The following PRKX variants were observed in gnomAD, a reference collection of about 807,000 sequenced individuals.
The protein encoded by PRKX is cAMP-dependent protein kinase catalytic subunit PRKX.
Under a neutral mutation model 22.0 loss-of-function variants are expected in PRKX, and 12 were observed. That is an observed-to-expected ratio of 0.54 (90% CI 0.35 to 0.88). The LOEUF (loss-of-function observed/expected upper bound fraction) is 0.88, where lower values mean the gene tolerates loss of function less well. Ranked by LOEUF, PRKX falls within the 40% of genes least tolerant of loss-of-function variation. The probability of loss-of-function intolerance (pLI) is 0.01; values close to 1 mark genes in which losing one functional copy is unlikely to be tolerated. For missense variants in PRKX, 217 were observed against 308.0 expected (o/e 0.70, Z 2.21); for synonymous variants, 134 against 137.7 (o/e 0.97, Z 0.19).
chrX:3,634,120 C>T (rs140202540), intron 4 of PRKX, among the ~76,000 whole-genome samples: 2,537 of 109,659 alleles, frequency 0.023, 30 homozygotes, highest in Non-Finnish European at 0.036. Context: ...CACGGTGGCA[C>T]GCACCTGTAA....
intron 5 of PRKX, among the ~76,000 whole-genome samples, chrX:3,625,625 G>A (rs1297873074): frequency 9.0e-6 from 1 of 111,053 alleles, no homozygotes; most frequent in Non-Finnish European, 1.9e-5. Context: ...AGGCTGGAAT[G>A]TAGTGGTGCG....
At chrX:3,667,525 C>T (rs1385378383) in intron 2 of PRKX, 5 of 109,688 alleles carry the variant, frequency 4.6e-5, no homozygotes, top group African/African-American at 6.7e-5. Flanking sequence ...CCACCTGTGG[C>T]TTCCTCCCTC....
rs751140491 is a variant in PRKX, at chrX:3,618,859, C to A, written c.873+2400G>T. Reference sequence around the variant, plus strand: ...TTCCCTGCAGTCCCAGCAAGAGACCCAGCTCTTTTCTAAATGGCTGTGGCA... The same window carrying A: ...TTCCCTGCAGTCCCAGCAAGAGACCAAGCTCTTTTCTAAATGGCTGTGGCA... On this transcript the variant is annotated intron_variant, in intron 6 of 8. Transcript: ENST00000262848. Among the ~76,000 whole-genome samples the A allele has an allele frequency of 8.1e-5, 9 of 111,483 alleles. No individual in the cohort carries two copies. In the South Asian group the frequency reaches 1.9e-3, roughly 23 times the overall value.
At chrX:3,659,938 A>G (rs376129146) in intron 2 of PRKX, among the ~76,000 whole-genome samples, 2 of 110,651 alleles carry the variant, frequency 1.8e-5, no homozygotes, top group African/African-American at 6.6e-5. Context: ...CTGGAGTTCT[A>G]AAAGACCCAG....
intron 1 of PRKX, among the ~76,000 whole-genome samples, chrX:3,712,816 G>T (rs2146618551): frequency 8.9e-6 from 1 of 112,705 alleles, no homozygotes; most frequent in South Asian, 3.6e-4. Context: ...TGTGTGTGCT[G>T]GGGGTGGAGG....
At chrX:3,706,281 C>T (rs1928683604) in intron 1 of PRKX, among the ~76,000 whole-genome samples, 1 of 109,801 alleles carries the variant, frequency 9.1e-6, no homozygotes, top group Non-Finnish European at 1.9e-5. Flanking sequence ...ACCTCCTGGG[C>T]TCAAGCAATC....
intron 1 of PRKX, among the ~76,000 whole-genome samples, chrX:3,689,072 A>C (rs183954026): frequency 8.9e-6 from 1 of 112,416 alleles, no homozygotes; most frequent in Non-Finnish European, 1.9e-5. Flanking sequence ...TTATGACTAT[A>C]GAAATAGTTC....
At chrX:3,662,627 G>A (rs1249747347) in intron 2 of PRKX, among the ~76,000 whole-genome samples, 7 of 102,086 alleles carry the variant, frequency 6.9e-5, no homozygotes, top group African/African-American at 1.8e-4. Context: ...CCTGGGAGGC[G>A]GAGCTTGCAG....
At chrX:3,625,579 C>CT (rs111531957) in intron 5 of PRKX, among the ~76,000 whole-genome samples, 10 of 107,095 alleles carry the variant, frequency 9.3e-5, no homozygotes, top group South Asian at 8.1e-4. Flanking sequence ...CAAAAGCATT[C>CT]TTTTTTTTTT....
intron 3 of PRKX, among the ~76,000 whole-genome samples, chrX:3,644,295 G>A (rs1246548764): frequency 2.9e-5 from 3 of 102,603 alleles, no homozygotes; most frequent in Non-Finnish European, 5.9e-5. Context: ...TCAGCTAGTC[G>A]GGAGGCTGAG....
chrX:3,704,226 A>G (rs967481320), intron 1 of PRKX, among the ~76,000 whole-genome samples: 1 of 111,822 alleles, frequency 8.9e-6, no homozygotes, highest in Admixed American at 9.5e-5. Flanking sequence ...CTGGAAAAAA[A>G]GGGGCCTGCC....
At chrX:3,675,330 C>T (rs1168000868) in intron 1 of PRKX, among the ~76,000 whole-genome samples, 1 of 110,942 alleles carries the variant, frequency 9.0e-6, no homozygotes, top group African/African-American at 3.3e-5. Flanking sequence ...TAGGTGCCCA[C>T]AAACAGAAAA....
chrX:3,667,440 G>A (rs867055540), intron 2 of PRKX: 1 of 108,218 alleles, frequency 9.2e-6, no homozygotes, highest in Non-Finnish European at 1.9e-5. Context: ...GCTCCAGAAC[G>A]GCTCTACTTT....
intron 1 of PRKX, among the ~76,000 whole-genome samples, chrX:3,686,088 G>A (rs1213496954): frequency 1.8e-5 from 2 of 111,494 alleles, no homozygotes; most frequent in Admixed American, 1.9e-4. Flanking sequence ...AAGCAGAGCT[G>A]GTGTGTGTTT....
intron 1 of PRKX, among the ~76,000 whole-genome samples, chrX:3,709,701 A>AG (rs34784066): frequency 0.03 from 3,341 of 111,818 alleles, 100 homozygotes; most frequent in African/African-American, 0.085. Flanking sequence ...TTAAGTAGGA[A>AG]ATTGGTAAAA....
At chrX:3,695,796 A>G (rs778784863) in intron 1 of PRKX, among the ~76,000 whole-genome samples, 1 of 111,563 alleles carries the variant, frequency 9.0e-6, no homozygotes, top group South Asian at 3.8e-4. Context: ...AGTTTCACTG[A>G]TAGCTAGATG....
chrX:3,668,719 T>C (rs986892204), intron 2 of PRKX, among the ~76,000 whole-genome samples: 9 of 112,045 alleles, frequency 8.0e-5, no homozygotes, highest in Non-Finnish European at 1.7e-4. Context: ...CCCACTGGCT[T>C]GGCTCGGCTG....
chrX:3,688,460 A>T (rs1437872336), intron 1 of PRKX, among the ~76,000 whole-genome samples: 12 of 102,964 alleles, frequency 1.2e-4, no homozygotes, highest in African/African-American at 4.1e-4. Flanking sequence ...GAAAAAAAAA[A>T]GGTTAACTCA....
intron 2 of PRKX, among the ~76,000 whole-genome samples, chrX:3,670,789 C>A (rs1715472284): frequency 9.0e-6 from 1 of 111,098 alleles, no homozygotes; most frequent in African/African-American, 3.3e-5. Context: ...AAGGGACACT[C>A]CCACCTCAGC....
Sources: allele counts gnomAD v4.1 joint callset (sites outside exome capture counted in the v4.1 genomes callset), GRCh38; gene constraint gnomAD v4.1.1; transcripts MANE v1.5; gene names NCBI Gene and HGNC (gene_info 2026-07-23, HGNC 2026-07-21).